The following STARD9 variants were observed in gnomAD, a reference collection of about 807,000 sequenced individuals.
The protein encoded by STARD9 is stAR-related lipid transfer protein 9.
In STARD9, 346 loss-of-function variants were observed where a neutral mutation model predicts 399.8. The observed-to-expected ratio is 0.87, with a 90% CI of 0.79 to 0.95. STARD9 has a LOEUF of 0.95. Ranked by LOEUF, STARD9 falls within the 40% of genes least tolerant of loss-of-function variation. The pLI, the probability that STARD9 is intolerant of heterozygous loss-of-function variation, is 0.00. For synonymous variants in STARD9, 2,203 were observed against 2,143.5 expected, an observed-to-expected ratio of 1.03 and a Z score of -0.77; for missense variants, 5,832 against 5,667.5, an observed-to-expected ratio of 1.03 and a Z score of -0.93.
At chr15:42,610,958 A>G (rs1367533853) in intron 3 of STARD9, among the ~76,000 whole-genome samples, 1 of 152,226 alleles carries the variant, frequency 6.6e-6, no homozygotes, top group Non-Finnish European at 1.5e-5. Flanking sequence ...TGATCTGTAT[A>G]TGTACTTTCA....
intron 3 of STARD9, among the ~76,000 whole-genome samples, chr15:42,614,462 AAGATACC>A (rs1323786600): frequency 1.3e-5 from 2 of 152,246 alleles, no homozygotes; most frequent in African/African-American, 4.8e-5. Context: ...CTCTAGTAAC[AAGATACC>A]AGTTTGTTTC....
intron 7 of STARD9, among the ~76,000 whole-genome samples, chr15:42,641,456 G>A (rs929230995): frequency 4.6e-5 from 7 of 151,926 alleles, no homozygotes; most frequent in Admixed American, 3.3e-4. Context: ...ATGTTGGTGT[G>A]CTGCACCCAT....
chr15:42,635,108 T>C, intron 4 of STARD9, 136 bp downstream of exon 4: 1 of 516,722 alleles, frequency 1.9e-6, no homozygotes, highest in Admixed American at 3.7e-5. Context: ...TCTTCTGTTT[T>C]AAGAATGAGT....
intron 3 of STARD9, among the ~76,000 whole-genome samples, chr15:42,607,651 TACACAC>T (rs10655556): frequency 1.6e-3 from 233 of 143,770 alleles, no homozygotes; most frequent in East Asian, 6.1e-3. Flanking sequence ...CACACACTTA[TACACAC>T]ACACACACAC....
Position 42,663,291 on chromosome 15 carries a change from C to G in STARD9, c.879C>G (p.Ser293=). ...TTTTCATCTTTTAAGCCCAGAACTCCCAAGTTTTCAGCAGCTGCCAGAGCC... is the reference window on the plus strand; with the variant it reads ...TTTTCATCTTTTAAGCCCAGAACTCGCAAGTTTTCAGCAGCTGCCAGAGCC... ...GIVISTLAQN[S]QVFSSCQSLN... is the part of the protein sequence containing the mutation. The change falls in exon 12 of 33, where the codon TCC becomes TCG. Residue 293 remains serine (S), a synonymous_variant. Transcript: ENST00000290607. The G allele has an allele frequency of 1.3e-6, 2 of 1,532,810 alleles. No homozygotes were observed. The highest frequency in any genetic ancestry group is 1.7e-6 in the Non-Finnish European group (2 of 1,143,288). 95.0% of individuals were successfully genotyped at this position (1,532,810 alleles called of 1,614,324 possible).
intron 3 of STARD9, 132 bp downstream of exon 3, chr15:42,585,769 C>T (rs1367157433): frequency 2.1e-6 from 1 of 485,852 alleles, no homozygotes; most frequent in Non-Finnish European, 3.5e-6. Flanking sequence ...CTAATTGGTA[C>T]TTTAAGAAAA....
chr15:42,715,668 C>G (rs549205522), intron 26 of STARD9, among the ~76,000 whole-genome samples: 1 of 152,160 alleles, frequency 6.6e-6, no homozygotes, highest in African/African-American at 2.4e-5. Context: ...CCACCACGCC[C>G]GGCTAATTTT....
At chr15:42,711,647 A>G (rs1481570310) in intron 26 of STARD9, among the ~76,000 whole-genome samples, 1 of 152,178 alleles carries the variant, frequency 6.6e-6, no homozygotes, top group East Asian at 1.9e-4. Context: ...TGTAAAATAT[A>G]TGAGAGCTTC....
chr15:42,650,191 A>T (rs563497736), intron 7 of STARD9, among the ~76,000 whole-genome samples: 3 of 152,244 alleles, frequency 2.0e-5, no homozygotes, highest in African/African-American at 7.2e-5. Context: ...TCGGCCTGGT[A>T]GCTTCAGTAT....
At chr15:42,576,331 G>A (rs1288559541) in intron 1 of STARD9, among the ~76,000 whole-genome samples, 1 of 152,158 alleles carries the variant, frequency 6.6e-6, no homozygotes, top group African/African-American at 2.4e-5. Flanking sequence ...CTTTCTCTCA[G>A]AGCCCTCAGT....
In STARD9 at chr15:42,689,746, C is replaced by T. The variant is rs1190294214; in HGVS notation, c.8168C>T (p.Pro2723Leu). Residue 2723 changes from proline to leucine, a missense_variant, in exon 23 of 33, where the codon CCT becomes CTT. Pro to Leu is a moderately conservative substitution (Grantham distance 98). Transcript: ENST00000290607. ...GCTGATCCTTTGGCCCCAGACAGTC[C>T]TCGTTCTTCAGCACCTGTGGAGGAG... The part of the protein sequence containing the change: ...SSADPLAPDS[P>L]RSSAPVEEVR... The T allele has an allele frequency of 1.3e-6, 2 of 1,537,792 alleles. No individual in the cohort carries two copies. Among genetic ancestry groups the T allele is most frequent in the East Asian group, 4.9e-5 (2 of 40,926 alleles).
At chr15:42,709,045 A>T (rs562086449) in intron 26 of STARD9, among the ~76,000 whole-genome samples, 4 of 152,116 alleles carry the variant, frequency 2.6e-5, no homozygotes, top group Non-Finnish European at 4.4e-5. Context: ...GTGAACTTTG[A>T]TGTTAAGGTG....
rs543524819 is a variant in STARD9 at position 42,682,502 on chromosome 15, A to G, written c.2464A>G (p.Arg822Gly). The change falls in exon 22 of 33, where the codon AGA (arginine) becomes GGA (glycine). Residue 822 changes from arginine (R) to glycine (G), a missense_variant. By Grantham distance (125) the Arg-to-Gly change is moderately radical (BLOSUM62 -2). Coordinates refer to ENST00000290607, the MANE Select transcript of STARD9 (RefSeq NM_020759.3). The stretch of plus-strand genomic sequence containing the variant: ...TGCCACAGTCCCACGGCCTCCATGT[A>G]GAAGCAAATTGACGAGTTGCAGTTC... ...PDATVPRPPC[R>G]SKLTSCSSLS... 2.9e-5 allele frequency: 44 copies of G among 1,537,230 alleles called. No individual in the cohort carries two copies. In the East Asian group the frequency reaches 2.9e-4, roughly 10 times the overall value.
At chr15:42,640,292 A>G (rs1302025902) in intron 7 of STARD9, among the ~76,000 whole-genome samples, 1 of 152,220 alleles carries the variant, frequency 6.6e-6, no homozygotes. Context: ...TGGTCAGGGC[A>G]TGGCAAATGG....
At chr15:42,595,395 A>G (rs936027699) in intron 3 of STARD9, among the ~76,000 whole-genome samples, 1 of 152,220 alleles carries the variant, frequency 6.6e-6, no homozygotes, top group Non-Finnish European at 1.5e-5. Flanking sequence ...GCTCTCGCAC[A>G]CTATACCACA....
intron 2 of STARD9, 72 bp from the exon 3 acceptor site, chr15:42,585,449 G>T: frequency 1.1e-6 from 1 of 929,486 alleles, no homozygotes; most frequent in Non-Finnish European, 1.7e-6. Context: ...TATGGTAGAG[G>T]GTGATCAAGT....
At position 42,575,778 on chromosome 15, in the gene STARD9, A is replaced by G; in HGVS notation, c.47+16A>G. ...TCAGCAAGAGGTGAGTCTCCGCGGG[A>G]GAGGGCGCCTGAGGCTTCACAGGAG... On this transcript the variant is annotated intron_variant, in intron 1 of 32. Transcript: ENST00000290607. The G allele has an allele frequency of 6.5e-7, 1 of 1,536,744 alleles. No homozygotes were observed. The highest frequency in any genetic ancestry group is 8.7e-7 in the Non-Finnish European group (1 of 1,146,672).
At chr15:42,605,123 C>A (rs970290059) in intron 3 of STARD9, among the ~76,000 whole-genome samples, 1 of 152,130 alleles carries the variant, frequency 6.6e-6, no homozygotes, top group South Asian at 2.1e-4. Context: ...TAACATGGAG[C>A]TCTCTCCTGA....
chr15:42,701,911 T>G (rs997469028), intron 26 of STARD9, among the ~76,000 whole-genome samples: 4 of 150,264 alleles, frequency 2.7e-5, no homozygotes, highest in African/African-American at 9.9e-5. Context: ...GGAGAATTGC[T>G]TGAACCCGGG....
Sources: allele counts gnomAD v4.1 joint callset (sites outside exome capture counted in the v4.1 genomes callset), GRCh38; gene constraint gnomAD v4.1.1; transcripts MANE v1.5; gene names NCBI Gene and HGNC (gene_info 2026-07-23, HGNC 2026-07-21).